The following UBE2D2 variants were observed in gnomAD, a reference collection of about 807,000 sequenced individuals.
UBE2D2 encodes the protein ubiquitin conjugating enzyme E2 D2, also known as ubiquitin-conjugating enzyme E2 D2.
Under a neutral mutation model 24.2 loss-of-function variants are expected in UBE2D2, and 2 were observed. That is an observed-to-expected ratio of 0.08 (90% CI 0.03 to 0.26). The LOEUF (loss-of-function observed/expected upper bound fraction) is 0.26, where lower values mean the gene tolerates loss of function less well. Among genes scored for constraint, UBE2D2 ranks in the 10% least tolerant of loss-of-function variants. The pLI, the probability that UBE2D2 is intolerant of heterozygous loss-of-function variation, is 1.00. For synonymous variants in UBE2D2, 58 were observed against 56.5 expected, an observed-to-expected ratio of 1.03 and a Z score of -0.12; for missense variants, 44 against 177.6, an observed-to-expected ratio of 0.25 and a Z score of 4.28.
intron 1 of UBE2D2, among the ~76,000 whole-genome samples, chr5:139,532,189 G>C (rs1259570143): frequency 2.0e-5 from 2 of 101,270 alleles, no homozygotes; most frequent in Non-Finnish European, 4.2e-5. Context: ...TTTTTTTTTT[G>C]GGGGGGACAG....
chr5:139,596,330 G>A lies in UBE2D2; in HGVS notation c.25-4042G>A, dbSNP rs558923880. On this transcript the variant is annotated intron_variant, in intron 1 of 6. Coordinates refer to ENST00000398733, the MANE Select transcript of UBE2D2 (RefSeq NM_003339.3). Reference sequence around the variant, plus strand: ...TGTGTGTGTGACAGAGTCTCGCTCTGTCACCCAGGCTGGAGTGCAGTGTCA... The same window carrying A: ...TGTGTGTGTGACAGAGTCTCGCTCTATCACCCAGGCTGGAGTGCAGTGTCA... Among the ~76,000 whole-genome samples, 10 of 146,336 alleles carry A rather than the reference G, an allele frequency of 6.8e-5. No individual in the cohort carries two copies. The South Asian group carries it at 2.2e-3, about 32-fold the overall frequency.
intron 1 of UBE2D2, among the ~76,000 whole-genome samples, chr5:139,590,714 G>C (rs1255651460): frequency 6.8e-6 from 1 of 147,614 alleles, no homozygotes; most frequent in East Asian, 2.0e-4. Context: ...TAGATCCTAA[G>C]ATAGTATGGC....
chr5:139,550,550 G>T (rs139344186), intron 1 of UBE2D2, among the ~76,000 whole-genome samples: 2 of 152,092 alleles, frequency 1.3e-5, no homozygotes, highest in African/African-American at 4.8e-5. Context: ...AACTGGCTCA[G>T]GTTCTCTTCC....
intron 1 of UBE2D2, among the ~76,000 whole-genome samples, chr5:139,546,813 TCTTTCTTCCTTCCTTCCTTC>T (rs1391374449): frequency 1.9e-4 from 25 of 128,340 alleles, no homozygotes; most frequent in African/African-American, 6.3e-4. Context: ...CTTTCTTCTT[TCTTTCTTCCTTCCTTCCTTC>T]CTTCCTTCCT....
intron 5 of UBE2D2, among the ~76,000 whole-genome samples, chr5:139,618,040 C>T (rs1056812353): frequency 1.1e-4 from 16 of 151,906 alleles, no homozygotes; most frequent in Non-Finnish European, 1.9e-4. Flanking sequence ...GTGGCGCAAT[C>T]TCGGCTCACC....
intron 2 of UBE2D2, among the ~76,000 whole-genome samples, chr5:139,610,825 T>C (rs1754302688): frequency 6.6e-6 from 1 of 152,032 alleles, no homozygotes; most frequent in South Asian, 2.1e-4. Context: ...TACTCCAGTC[T>C]GGGTGACAAG....
At chr5:139,563,861 G>A (rs1475723111) in intron 1 of UBE2D2, among the ~76,000 whole-genome samples, 1 of 152,132 alleles carries the variant, frequency 6.6e-6, no homozygotes, top group Non-Finnish European at 1.5e-5. Context: ...CGTGAACCGG[G>A]GAGGCGGAGC....
chr5:139,621,477 T>C (rs961511944), intron 5 of UBE2D2, among the ~76,000 whole-genome samples: 1 of 152,228 alleles, frequency 6.6e-6, no homozygotes. Context: ...AGTGTTTGCA[T>C]TTATGTTCTT....
chr5:139,563,747 A>G (rs1383629149), intron 1 of UBE2D2, among the ~76,000 whole-genome samples: 2 of 152,130 alleles, frequency 1.3e-5, no homozygotes, highest in African/African-American at 2.4e-5. Flanking sequence ...CCTGGCTAAC[A>G]CGGTGAAACC....
At chr5:139,537,989 C>T (rs1752707971) in intron 1 of UBE2D2, among the ~76,000 whole-genome samples, 1 of 151,818 alleles carries the variant, frequency 6.6e-6, no homozygotes, top group Non-Finnish European at 1.5e-5. Context: ...AGAAACCTTC[C>T]CTATTTTGTT....
At chr5:139,602,120 C>T (rs1047565995) in intron 2 of UBE2D2, among the ~76,000 whole-genome samples, 51 of 151,978 alleles carry the variant, frequency 3.4e-4, no homozygotes, top group Admixed American at 3.0e-3. Flanking sequence ...GGCGTGACCT[C>T]GGCTCACTGC....
At chr5:139,549,678 C>G (rs1278257709) in intron 1 of UBE2D2, among the ~76,000 whole-genome samples, 5 of 152,238 alleles carry the variant, frequency 3.3e-5, no homozygotes, top group Non-Finnish European at 5.9e-5. Flanking sequence ...GGCGCCACCC[C>G]CTGCTCCGCG....
At chr5:139,554,615 C>CA (rs1266990163) in intron 1 of UBE2D2, among the ~76,000 whole-genome samples, 1 of 152,080 alleles carries the variant, frequency 6.6e-6, no homozygotes, top group African/African-American at 2.4e-5. Flanking sequence ...GGACTATATA[C>CA]AAAAAAGGCT....
chr5:139,547,317 G>A (rs947393524), intron 1 of UBE2D2, among the ~76,000 whole-genome samples: 1 of 152,034 alleles, frequency 6.6e-6, no homozygotes, highest in African/African-American at 2.4e-5. Flanking sequence ...ACACAGCAAA[G>A]GATGTGGCCA....
At chr5:139,620,395 G>A (rs537303918) in intron 5 of UBE2D2, among the ~76,000 whole-genome samples, 1 of 152,314 alleles carries the variant, frequency 6.6e-6, no homozygotes, top group African/African-American at 2.4e-5. Context: ...AGAAGAATAA[G>A]TTAAAGGAAC....
chr5:139,581,806 T>G (rs111782342), intron 1 of UBE2D2, among the ~76,000 whole-genome samples: 3 of 151,856 alleles, frequency 2.0e-5, no homozygotes, highest in Non-Finnish European at 2.9e-5. Flanking sequence ...GTAGCTGGGA[T>G]TACAGGCGCG....
At chr5:139,605,952 A>G (rs951912786) in intron 2 of UBE2D2, among the ~76,000 whole-genome samples, 6 of 151,892 alleles carry the variant, frequency 4.0e-5, no homozygotes, top group African/African-American at 1.5e-4. Flanking sequence ...CATGTTTCCT[A>G]CGCTGGTCTT....
At chr5:139,612,050 C>T in intron 2 of UBE2D2, 1 of 158,318 alleles carries the variant, frequency 6.3e-6, no homozygotes, top group Admixed American at 6.4e-5. Flanking sequence ...TGTCTTTTGG[C>T]ATACTTGTTA....
chr5:139,566,031 CTTT>C (rs397882200), intron 1 of UBE2D2, among the ~76,000 whole-genome samples: 10 of 139,322 alleles, frequency 7.2e-5, no homozygotes, highest in Admixed American at 1.4e-4. Flanking sequence ...TTTTTTCTTT[CTTT>C]TTTTTTTTTT....
Sources: allele counts gnomAD v4.1 joint callset (sites outside exome capture counted in the v4.1 genomes callset), GRCh38; gene constraint gnomAD v4.1.1; transcripts MANE v1.5; gene names NCBI Gene and HGNC (gene_info 2026-07-23, HGNC 2026-07-21).